Variants in SGCZ observed in about 807,000 individuals in gnomAD.
SGCZ encodes sarcoglycan zeta, also known as zeta-sarcoglycan.
A neutral mutation model predicts 41.3 loss-of-function variants in SGCZ; 40 were observed. The observed-to-expected ratio is 0.97, with a 90% confidence interval of 0.75 to 1.26. The LOEUF (loss-of-function observed/expected upper bound fraction) is 1.26. Among genes scored for constraint, SGCZ ranks in the 50% most tolerant of loss-of-function variants. SGCZ has a pLI of 0.00. For missense variants in SGCZ, 552 were observed against 369.8 expected, an observed-to-expected ratio of 1.49 and a Z score of -4.04; for synonymous variants, 206 against 137.5, an observed-to-expected ratio of 1.50 and a Z score of -3.49.
chr8:14,752,059 A>T (rs1002868518), intron 1 of SGCZ, among the ~76,000 whole-genome samples: 1 of 151,248 alleles, frequency 6.6e-6, no homozygotes, highest in African/African-American at 2.4e-5. Flanking sequence ...ACCACAAAGA[A>T]GGGTAAAGAT....
chr8:14,289,940 T>G (rs973612177), intron 3 of SGCZ, among the ~76,000 whole-genome samples: 5 of 151,974 alleles, frequency 3.3e-5, no homozygotes, highest in African/African-American at 1.2e-4. Flanking sequence ...AGGCACCTTC[T>G]TCATAAGGCA....
intron 5 of SGCZ, among the ~76,000 whole-genome samples, chr8:14,154,601 T>A (rs536583722): frequency 2.0e-5 from 3 of 152,344 alleles, no homozygotes; most frequent in Admixed American, 1.3e-4. Context: ...GCATAATTTT[T>A]AAAAATTGTT....
chr8:14,931,799 G>C (rs1799929759), intron 1 of SGCZ, among the ~76,000 whole-genome samples: 2 of 151,934 alleles, frequency 1.3e-5, no homozygotes, highest in Non-Finnish European at 2.9e-5. Context: ...TCGTCAGTCA[G>C]CCACTCCCAA....
chr8:15,096,813 G>A (rs1585558291), intron 1 of SGCZ, among the ~76,000 whole-genome samples: 1 of 151,964 alleles, frequency 6.6e-6, no homozygotes, highest in East Asian at 1.9e-4. Context: ...AGCCTCTCGA[G>A]TAGCTGGGAC....
At chr8:14,425,392 A>T (rs1049597151) in intron 2 of SGCZ, among the ~76,000 whole-genome samples, 2 of 152,104 alleles carry the variant, frequency 1.3e-5, no homozygotes, top group Non-Finnish European at 2.9e-5. Flanking sequence ...AGGCCGAGGC[A>T]GGTGGATCAC....
chr8:14,789,102 C>T (rs1453007496), intron 1 of SGCZ, among the ~76,000 whole-genome samples: 1 of 152,150 alleles, frequency 6.6e-6, no homozygotes, highest in Non-Finnish European at 1.5e-5. Flanking sequence ...TTATCTAACA[C>T]ATGCACTCTC....
chr8:14,388,873 G>C (rs1368200438), intron 2 of SGCZ, among the ~76,000 whole-genome samples: 1 of 151,294 alleles, frequency 6.6e-6, no homozygotes, highest in East Asian at 1.9e-4. Context: ...CTGTGAAAGA[G>C]ATTGAGGTTA....
intron 1 of SGCZ, among the ~76,000 whole-genome samples, chr8:14,898,802 G>C (rs1805296392): frequency 6.6e-6 from 1 of 152,174 alleles, no homozygotes; most frequent in Non-Finnish European, 1.5e-5. Flanking sequence ...ATAATTCAGT[G>C]AGTGCCACCT....
At chr8:15,029,596 T>C (rs540323968) in intron 1 of SGCZ, among the ~76,000 whole-genome samples, 26 of 152,242 alleles carry the variant, frequency 1.7e-4, no homozygotes, top group African/African-American at 6.3e-4. Context: ...ACAATGTATG[T>C]TAAATAAATT....
chr8:14,962,184 A>C (rs1046850174), intron 1 of SGCZ, among the ~76,000 whole-genome samples: 4 of 152,102 alleles, frequency 2.6e-5, no homozygotes, highest in African/African-American at 7.2e-5. Context: ...TATTACGTCA[A>C]CCAGTTTCTG....
chr8:15,073,477 T>G (rs1467266411), intron 1 of SGCZ, among the ~76,000 whole-genome samples: 3 of 152,180 alleles, frequency 2.0e-5, no homozygotes, highest in Admixed American at 6.5e-5. Context: ...CATTTATGTG[T>G]CAGCCTGGCT....
At chr8:14,285,848 T>C (rs1430939076) in intron 3 of SGCZ, among the ~76,000 whole-genome samples, 1 of 152,124 alleles carries the variant, frequency 6.6e-6, no homozygotes, top group African/African-American at 2.4e-5. Context: ...TTCAGGGGTT[T>C]GTATTACTTA....
chr8:14,726,554 G>A (rs1393023086), intron 1 of SGCZ, among the ~76,000 whole-genome samples: 1 of 151,464 alleles, frequency 6.6e-6, no homozygotes, highest in Non-Finnish European at 1.5e-5. Flanking sequence ...GGAAAATATA[G>A]CAATTATGTG....
intron 1 of SGCZ, among the ~76,000 whole-genome samples, chr8:14,899,658 T>C (rs1798893265): frequency 6.6e-6 from 1 of 152,098 alleles, no homozygotes; most frequent in African/African-American, 2.4e-5. Flanking sequence ...CGAAGGCATA[T>C]TGGTTTAAGT....
chr8:15,156,977 AAG>A (rs1799350720), intron 1 of SGCZ, among the ~76,000 whole-genome samples: 1 of 151,922 alleles, frequency 6.6e-6, no homozygotes, highest in Non-Finnish European at 1.5e-5. Flanking sequence ...AAAAGAAAGA[AAG>A]AGAAAAGAAA....
intron 1 of SGCZ, among the ~76,000 whole-genome samples, chr8:15,184,693 C>G (rs1320676479): frequency 6.6e-6 from 1 of 152,080 alleles, no homozygotes; most frequent in African/African-American, 2.4e-5. Flanking sequence ...CTTTGGTGTT[C>G]CGGAAGCGGA....
At chr8:14,994,757 T>G (rs1295704915) in intron 1 of SGCZ, among the ~76,000 whole-genome samples, 1 of 152,174 alleles carries the variant, frequency 6.6e-6, no homozygotes, top group Non-Finnish European at 1.5e-5. Context: ...TGGATTTATG[T>G]TCTATTTATA....
chr8:14,797,909 G>C (rs1437929194), intron 1 of SGCZ, among the ~76,000 whole-genome samples: 1 of 152,234 alleles, frequency 6.6e-6, no homozygotes, highest in Non-Finnish European at 1.5e-5. Context: ...ACGTGGTGTT[G>C]AGACTGCAGG....
intron 1 of SGCZ, among the ~76,000 whole-genome samples, chr8:14,688,854 C>T (rs1250979456): frequency 6.6e-6 from 1 of 152,078 alleles, no homozygotes; most frequent in Non-Finnish European, 1.5e-5. Flanking sequence ...GATTGTATAT[C>T]TAGAAAATCC....
Sources: gnomAD v4.1 joint callset for allele counts (sites outside exome capture counted in the v4.1 genomes callset) on GRCh38, gnomAD v4.1.1 for gene constraint, MANE v1.5 for transcripts, NCBI Gene and HGNC (gene_info 2026-07-23, HGNC 2026-07-21) for gene names.